The following ERG variants were observed in gnomAD, a reference collection of about 807,000 sequenced individuals.
The protein encoded by ERG is transcriptional regulator ERG.
ERG carries 9 observed loss-of-function variants against 55.3 expected under a neutral mutation model. The ratio of observed to expected loss-of-function variants is 0.16; its 90% CI spans 0.10 to 0.28. The LOEUF is 0.28. Ranked by LOEUF, ERG falls within the 10% of genes least tolerant of loss-of-function variation. The pLI, the probability that ERG is intolerant of heterozygous loss-of-function variation, is 1.00. For synonymous variants in ERG, 223 were observed against 237.3 expected (o/e 0.94, Z 0.55); for missense variants, 434 against 631.6 (o/e 0.69, Z 3.35).
intron 3 of ERG, among the ~76,000 whole-genome samples, chr21:38,417,110 C>G (rs1387895788): frequency 6.6e-6 from 1 of 152,238 alleles, no homozygotes; most frequent in Non-Finnish European, 1.5e-5. Flanking sequence ...TTAGCTACTT[C>G]TGACAGCCTT....
At chr21:38,591,471 C>A (rs1349049041) in intron 1 of ERG, among the ~76,000 whole-genome samples, 1 of 152,136 alleles carries the variant, frequency 6.6e-6, no homozygotes, top group African/African-American at 2.4e-5. Flanking sequence ...GTAATCCCAG[C>A]ACTTTAAGTC....
At chr21:38,413,045 C>G (rs1387715631) in intron 3 of ERG, among the ~76,000 whole-genome samples, 3 of 152,206 alleles carry the variant, frequency 2.0e-5, no homozygotes, top group Non-Finnish European at 2.9e-5. Flanking sequence ...CGGGTAATGA[C>G]AGGCTCAGTT....
At chr21:38,462,154 TG>T (rs1167547656) in intron 1 of ERG, among the ~76,000 whole-genome samples, 3 of 152,148 alleles carry the variant, frequency 2.0e-5, no homozygotes, top group Non-Finnish European at 4.4e-5. Context: ...CTAATTTTTT[TG>T]TATTTTTAGT....
At chr21:38,651,590 T>A (rs2060489129) in intron 1 of ERG, among the ~76,000 whole-genome samples, 1 of 152,242 alleles carries the variant, frequency 6.6e-6, no homozygotes. Context: ...TTACATAAAT[T>A]ACATTATTAA....
rs2146504081 is a variant in ERG at position 38,423,576 on chromosome 21, A to G, written c.237-15T>C. The G allele has an allele frequency of 1.9e-6, 3 of 1,599,168 alleles. No homozygotes were observed. The highest frequency in any genetic ancestry group is 2.6e-6 in the Non-Finnish European group (3 of 1,168,990). On this transcript the variant is annotated splice_polypyrimidine_tract_variant and intron_variant, in intron 2 of 9. Coordinates refer to ENST00000288319, the MANE Select transcript of ERG (RefSeq NM_182918.4). Reference sequence around the variant, plus strand: ...CAGGAGAGTTCCTGGAGGAGAAGAAATATTCTTCCATTATAACAGCAATCA... The same window carrying G: ...CAGGAGAGTTCCTGGAGGAGAAGAAGTATTCTTCCATTATAACAGCAATCA...
intron 1 of ERG, among the ~76,000 whole-genome samples, chr21:38,594,406 T>A (rs953656413): frequency 3.3e-5 from 5 of 152,158 alleles, no homozygotes; most frequent in Non-Finnish European, 7.4e-5. Context: ...ATGCACTGCA[T>A]CTATATAGAA....
chr21:38,561,742 T>C (rs1000215634), intron 2 of ERG, among the ~76,000 whole-genome samples: 9 of 152,218 alleles, frequency 5.9e-5, no homozygotes, highest in Non-Finnish European at 1.2e-4. Flanking sequence ...AAGGTCCATA[T>C]GAATTGGTAT....
chr21:38,606,065 TAGAGAGAG>T (rs146994753), intron 1 of ERG, among the ~76,000 whole-genome samples: 1 of 151,612 alleles, frequency 6.6e-6, no homozygotes, highest in Non-Finnish European at 1.5e-5. Context: ...TGATAAATGA[TAGAGAGAG>T]AGATGATAGC....
intron 9 of ERG, among the ~76,000 whole-genome samples, chr21:38,389,748 C>T (rs1283845380): frequency 6.6e-6 from 1 of 151,856 alleles, no homozygotes; most frequent in Non-Finnish European, 1.5e-5. Flanking sequence ...AGCTAAAGGA[C>T]TATATCTCAT....
At chr21:38,507,334 G>A (rs1157498968) in intron 2 of ERG, among the ~76,000 whole-genome samples, 2 of 152,212 alleles carry the variant, frequency 1.3e-5, no homozygotes, top group East Asian at 1.9e-4. Context: ...ACCCCGATGC[G>A]TCATTTAATT....
chr21:38,564,788 T>C (rs1397307446), intron 2 of ERG, among the ~76,000 whole-genome samples: 1 of 152,008 alleles, frequency 6.6e-6, no homozygotes, highest in Non-Finnish European at 1.5e-5. Flanking sequence ...CCCTCCTCTT[T>C]CCAACCTGTA....
chr21:38,625,055 T>C (rs1468947487), intron 1 of ERG, among the ~76,000 whole-genome samples: 1 of 152,226 alleles, frequency 6.6e-6, no homozygotes, highest in Non-Finnish European at 1.5e-5. Flanking sequence ...CTGTCATCAC[T>C]GCTTGAGGAA....
intron 2 of ERG, among the ~76,000 whole-genome samples, chr21:38,560,855 C>A (rs557596651): frequency 6.6e-6 from 1 of 152,284 alleles, no homozygotes; most frequent in African/African-American, 2.4e-5. Flanking sequence ...TACATGAGGG[C>A]ACACAATAAT....
intron 3 of ERG, among the ~76,000 whole-genome samples, chr21:38,410,844 G>C (rs1989015264): frequency 6.6e-6 from 1 of 152,110 alleles, no homozygotes; most frequent in Non-Finnish European, 1.5e-5. Context: ...TGAAAGTCCT[G>C]AATGTTATTT....
At chr21:38,507,711 AG>A (rs1022311173) in intron 2 of ERG, among the ~76,000 whole-genome samples, 1 of 152,170 alleles carries the variant, frequency 6.6e-6, no homozygotes, top group Non-Finnish European at 1.5e-5. Context: ...AGTTGACAGG[AG>A]GGAACTGGGA....
Position 38,382,071 on chromosome 21 carries a change from T to C in ERG, c.*1332A>G. On this transcript the variant is annotated 3_prime_UTR_variant, in exon 10 of 10. Coordinates refer to ENST00000288319, the MANE Select transcript of ERG (RefSeq NM_182918.4). ...GCCAAGCTTATTTTATTACATACAT[T>C]CTGCATTCTAAGAACTAATAACTTC... 9.4e-7 allele frequency: 1 copy of C among 1,058,912 alleles called. No homozygotes were observed. The highest frequency in any genetic ancestry group is 1.1e-6 in the Non-Finnish European group (1 of 875,060). 65.6% of individuals were successfully genotyped at this position (1,058,912 alleles called of 1,614,324 possible). A position where few individuals can be genotyped will look rare whatever the true frequency, so the allele number is the denominator to read the frequency against.
chr21:38,510,835 A>G (rs1027965165), intron 2 of ERG, among the ~76,000 whole-genome samples: 4 of 152,210 alleles, frequency 2.6e-5, no homozygotes, highest in African/African-American at 7.2e-5. Context: ...ATTTTCTCCT[A>G]TAAGAGCCAG....
At chr21:38,501,651 G>C (rs1029846142), upstream of ERG, among the ~76,000 whole-genome samples, 2 of 152,110 alleles carry the variant, frequency 1.3e-5, no homozygotes, top group African/African-American at 4.8e-5. Context: ...GGCCCGTCCT[G>C]CCATGAGCCT....
chr21:38,620,852 G>T (rs964725555), intron 1 of ERG, among the ~76,000 whole-genome samples: 10 of 152,224 alleles, frequency 6.6e-5, no homozygotes, highest in African/African-American at 2.4e-4. Flanking sequence ...AAAAATCTTG[G>T]AAAGTAGAAT....
Sources: gnomAD v4.1 joint callset for allele counts (sites outside exome capture counted in the v4.1 genomes callset) on GRCh38, gnomAD v4.1.1 for gene constraint, MANE v1.5 for transcripts, NCBI Gene and HGNC (gene_info 2026-07-23, HGNC 2026-07-21) for gene names.